NEB: variants seen among roughly 807,000 people sequenced by gnomAD.
NEB encodes the protein nemaline myopathy type 2.
Under a neutral mutation model 952.2 loss-of-function variants are expected in NEB, and 512 were observed. The ratio of observed to expected loss-of-function variants is 0.54; its 90% CI spans 0.50 to 0.58. The LOEUF (loss-of-function observed/expected upper bound fraction) is 0.58, where lower values mean the gene tolerates loss of function less well. Ranked by LOEUF, NEB falls within the 20% of genes least tolerant of loss-of-function variation. NEB has a pLI of 0.00. For synonymous variants in NEB, 2,900 were observed against 3,149.8 expected (o/e 0.92, Z 2.66); for missense variants, 8,428 against 9,231.1 (o/e 0.91, Z 3.56).
At position 151,734,448 on chromosome 2, in the gene NEB, C is replaced by T. The variant is rs1381695694; in HGVS notation, c.-164G>A. The T allele has an allele frequency of 6.6e-6, 1 of 152,180 alleles. No individual in the cohort carries two copies. The highest frequency in any genetic ancestry group is 1.5e-5 in the Non-Finnish European group (1 of 68,034). 9.4% of individuals were successfully genotyped at this position (152,180 alleles called of 1,614,324 possible). A position where few individuals can be genotyped will look rare whatever the true frequency, so the allele number is the denominator to read the frequency against. ...CAGCAGCAAAGCCTCTCCCAACTCT[C>T]CCCTCCTGAGAACCCCAGGCAAAAG... On this transcript the variant is annotated 5_prime_UTR_variant, in exon 1 of 182. Transcript: ENST00000397345.
chr2:151,625,708 A>T lies in NEB; in HGVS notation c.10348-70T>A, dbSNP rs983991502. 2.8e-6 allele frequency: 3 copies of T among 1,054,536 alleles called. No individual in the cohort carries two copies. In the East Asian group the frequency reaches 7.9e-5, roughly 28 times the overall value. The allele number at this position is 1,054,536 out of a possible 1,614,324, so 65.3% of individuals were successfully genotyped here. ...GTAAACAGGAGTTTTCAATTAAGACACCATGACAAAGTTGAGAGCCAGCTT... is the reference window on the plus strand; with the variant it reads ...GTAAACAGGAGTTTTCAATTAAGACTCCATGACAAAGTTGAGAGCCAGCTT... On this transcript the variant is annotated intron_variant, in intron 70 of 181. Coordinates refer to ENST00000397345, the MANE Select transcript of NEB (RefSeq NM_001164508.2).
In NEB at chr2:151,491,872, TCA is replaced by T. The variant is rs1010712506; in HGVS notation, c.25058-99_25058-98del. On this transcript the variant is annotated intron_variant, in intron 178 of 181. Transcript: ENST00000397345. ...TTTTAACAACCACCAAAGGATTGAA[TCA>T]CACTTATTCCAGCTTAGGTTCTGGG... The T allele has an allele frequency of 5.8e-5, 62 of 1,067,652 alleles. No homozygotes were observed. The African/African-American group carries it at 9.2e-4, about 16-fold the overall frequency. The allele number at this position is 1,067,652 out of a possible 1,614,324, so 66.1% of individuals were successfully genotyped here.
At chr2:151,650,487 T>C (rs548426281) in intron 53 of NEB, 87 bp downstream of exon 53, 2 of 1,486,692 alleles carry the variant, frequency 1.3e-6, no homozygotes, top group South Asian at 2.6e-5. Flanking sequence ...CAATAATAAT[T>C]CCTAATTTCT....
chr2:151,556,220 A>C (rs2095640704), intron 124 of NEB, among the ~76,000 whole-genome samples: 1 of 152,194 alleles, frequency 6.6e-6, no homozygotes, highest in Non-Finnish European at 1.5e-5. Flanking sequence ...TGCATCTGTA[A>C]GCCCAGTAGA....
Position 151,680,730 on chromosome 2 carries a change from A to T in NEB, c.3042T>A (p.Asp1014Glu). The change falls in exon 30 of 182, where the codon GAT (aspartate) becomes GAA (glutamate). Residue 1014 changes from aspartate to glutamate, a missense_variant and splice_region_variant. Asp to Glu is a conservative substitution (Grantham distance 45, BLOSUM62 2). Coordinates refer to ENST00000397345, the MANE Select transcript of NEB (RefSeq NM_001164508.2). ...QSKINQAQRS[D>E]IAYKAKGEEI... ...ACATATAGATAGCATTAACACTTAC[A>T]TCACTCCTCTGGGCCTGGTTAATTT... 6.3e-7 allele frequency: 1 copy of T among 1,575,718 alleles called. No homozygotes were observed. Among genetic ancestry groups the T allele is most frequent in the Non-Finnish European group, 8.7e-7 (1 of 1,147,204 alleles).
intron 18 of NEB, among the ~76,000 whole-genome samples, chr2:151,695,043 C>T (rs2099586232): frequency 6.6e-6 from 1 of 152,132 alleles, no homozygotes; most frequent in Non-Finnish European, 1.5e-5. Context: ...TCTTAGTACT[C>T]ATTTATAGAA....
intron 13 of NEB, among the ~76,000 whole-genome samples, chr2:151,703,021 C>T (rs979857490): frequency 5.3e-5 from 8 of 151,830 alleles, no homozygotes; most frequent in South Asian, 2.1e-4. Flanking sequence ...CCATGTTTAG[C>T]GCTTCCTTCA....
Position 151,688,407 on chromosome 2 carries a change from A to G in NEB, c.2311-11T>C. 6.2e-7 allele frequency: 1 copy of G among 1,604,864 alleles called. No homozygotes were observed. Among genetic ancestry groups the G allele is most frequent in the Non-Finnish European group, 8.5e-7 (1 of 1,171,996 alleles). Reference sequence around the variant, plus strand: ...TGCTTTGTAATTCAGCTGAAAAACAAAGGATATTTGAACGGTTCAGGGGAA... The same window carrying G: ...TGCTTTGTAATTCAGCTGAAAAACAGAGGATATTTGAACGGTTCAGGGGAA... On this transcript the variant is annotated splice_polypyrimidine_tract_variant and intron_variant, in intron 24 of 181. Transcript: ENST00000397345.
chr2:151,657,073 T>C (rs947647038), intron 48 of NEB, among the ~76,000 whole-genome samples: 2 of 152,162 alleles, frequency 1.3e-5, no homozygotes, highest in Non-Finnish European at 2.9e-5. Flanking sequence ...AGAGGGGAGA[T>C]CTTGATCCAT....
chr2:151,515,528 A>G (rs188498310), intron 157 of NEB, among the ~76,000 whole-genome samples: 531 of 152,210 alleles, frequency 3.5e-3, no homozygotes, highest in Non-Finnish European at 5.9e-3. Flanking sequence ...CTGTTTTTTA[A>G]AAATCACTGA....
intron 10 of NEB, among the ~76,000 whole-genome samples, chr2:151,710,917 A>G (rs1368093434): frequency 6.6e-6 from 1 of 152,204 alleles, no homozygotes; most frequent in Admixed American, 6.5e-5. Context: ...CTTAGCCGTT[A>G]ATTTCTAAGC....
Position 151,610,523 on chromosome 2 carries a change from G to A in NEB, c.12011C>T (p.Ala4004Val). 1.9e-6 allele frequency: 3 copies of A among 1,606,974 alleles called. No homozygotes were observed. Among genetic ancestry groups the A allele is most frequent in the Non-Finnish European group, 2.6e-6 (3 of 1,173,650 alleles). The change falls in exon 80 of 182, where the codon GCC becomes GTC. Residue 4004 changes from alanine to valine, a missense_variant. Coordinates refer to ENST00000397345, the MANE Select transcript of NEB (RefSeq NM_001164508.2). The stretch of plus-strand genomic sequence containing the variant: ...TAGATGGAAGGTACTCACGTCACTG[G>A]CGATGTCCCTGGAGGCCTTGGCACT... ...IKSAKASRDI[A>V]SDYKYKEAYE...
intron 23 of NEB, 146 bp from the exon 24 acceptor site, chr2:151,690,971 G>GTC (rs141120434): frequency 5.7e-4 from 337 of 595,930 alleles, no homozygotes; most frequent in Non-Finnish European, 7.0e-4. Flanking sequence ...TTCTCTGTCT[G>GTC]TCTCTCTCTC....
At chr2:151,722,234 G>C (rs555335217) in intron 9 of NEB, among the ~76,000 whole-genome samples, 1 of 152,172 alleles carries the variant, frequency 6.6e-6, no homozygotes, top group South Asian at 2.1e-4. Context: ...GACTGGAGTA[G>C]CAGTCTGGAT....
At chr2:151,578,412 C>T (rs1017372265) in intron 105 of NEB, among the ~76,000 whole-genome samples, 1 of 151,472 alleles carries the variant, frequency 6.6e-6, no homozygotes, top group African/African-American at 2.4e-5. Flanking sequence ...ACTGCCCCAG[C>T]ACTTTGGGAG....
At chr2:151,719,153 T>C (rs1040454499) in intron 9 of NEB, among the ~76,000 whole-genome samples, 1 of 152,214 alleles carries the variant, frequency 6.6e-6, no homozygotes, top group African/African-American at 2.4e-5. Context: ...TCTACATGTC[T>C]CTTTCCTCTT....
In NEB at chr2:151,605,815, T is replaced by G. The variant is rs1459930199; in HGVS notation, c.12747+791A>C. ...ATTATTCTATTTTTATTTTTATTTT[T>G]TTTGAAACGCAGTTTCAGTCTTGTT... On this transcript the variant is annotated intron_variant, in intron 84 of 181. Transcript: ENST00000397345. Among the ~76,000 whole-genome samples, 2 of 96,330 alleles carry G rather than the reference T, an allele frequency of 2.1e-5. 1 individual carries two copies. Among genetic ancestry groups the G allele is most frequent in the Non-Finnish European group, 5.2e-5 (2 of 38,272 alleles). 63.2% of individuals were successfully genotyped at this position (96,330 alleles called of 152,430 possible). A position where few individuals can be genotyped will look rare whatever the true frequency, so the allele number is the denominator to read the frequency against.
Position 151,691,964 on chromosome 2 carries a change from C to A in NEB, c.2111G>T (p.Ser704Ile). The A allele has an allele frequency of 6.2e-7, 1 of 1,611,658 alleles. No individual in the cohort carries two copies. The change falls in exon 23 of 182, where the codon AGT becomes ATT. Residue 704 changes from serine (S) to isoleucine (I), a missense_variant. Ser to Ile is a moderately radical substitution (Grantham distance 142). Coordinates refer to ENST00000397345, the MANE Select transcript of NEB (RefSeq NM_001164508.2). ...MKVAAQNSDKSYKAEYEEDKG... is the reference protein window; with the variant it reads ...MKVAAQNSDKIYKAEYEEDKG... ...ATCTTCTTCATATTCTGCTTTGTAA[C>A]TTTTCTATAATGAGAAAAACCAAAA...
chr2:151,678,739 T>C (rs1344878198), intron 32 of NEB, among the ~76,000 whole-genome samples: 1 of 151,706 alleles, frequency 6.6e-6, no homozygotes, highest in Non-Finnish European at 1.5e-5. Context: ...TCCTCAGAGA[T>C]ATGTGGAGGG....
Sources: gnomAD v4.1 joint callset for allele counts (sites outside exome capture counted in the v4.1 genomes callset) on GRCh38, gnomAD v4.1.1 for gene constraint, MANE v1.5 for transcripts, NCBI Gene and HGNC (gene_info 2026-07-23, HGNC 2026-07-21) for gene names.